RIN3: variants seen among roughly 807,000 people sequenced by gnomAD.
RIN3 encodes RAB5 interacting protein 3.
A neutral mutation model predicts 76.3 loss-of-function variants in RIN3; 54 were observed. The observed-to-expected ratio is 0.71, with a 90% CI of 0.57 to 0.89. The LOEUF (loss-of-function observed/expected upper bound fraction) is 0.89, where lower values mean the gene tolerates loss of function less well. Ranked by LOEUF, RIN3 falls within the 40% of genes least tolerant of loss-of-function variation. The probability of loss-of-function intolerance (pLI) is 0.00; values close to 1 mark genes in which losing one functional copy is unlikely to be tolerated. For synonymous variants in RIN3, 576 were observed against 564.0 expected (o/e 1.02, Z -0.30); for missense variants, 1,256 against 1,322.1 (o/e 0.95, Z 0.78).
intron 1 of RIN3, among the ~76,000 whole-genome samples, chr14:92,551,882 A>C (rs1418659339): frequency 6.6e-6 from 1 of 152,228 alleles, no homozygotes; most frequent in Non-Finnish European, 1.5e-5. Flanking sequence ...ATGCAGTCTA[A>C]CTTTATCTAT....
intron 4 of RIN3, among the ~76,000 whole-genome samples, chr14:92,632,607 G>C (rs958435755): frequency 6.6e-6 from 1 of 152,194 alleles, no homozygotes; most frequent in Non-Finnish European, 1.5e-5. Flanking sequence ...GAGCCAATTG[G>C]AACCCAAGTG....
Position 92,651,797 on chromosome 14 carries a change from G to A in RIN3, c.748G>A (p.Asp250Asn), listed in dbSNP as rs777816030. Residue 250 changes from aspartate (D) to asparagine (N), a missense_variant, in exon 6 of 10, where the codon GAC becomes AAC. Transcript: ENST00000216487. ...GGACTGCAGCAGCGCCCTGCCCACC[G>A]ACCAGCCACCTCTTGGAAATTGCCC... ...IEDCSSALPT[D>N]QPPLGNCPAR... 16 of 1,613,492 alleles carry A rather than the reference G, an allele frequency of 9.9e-6. No homozygotes were observed. Among genetic ancestry groups the A allele is most frequent in the Admixed American group, 1.7e-5 (1 of 59,980 alleles).
At chr14:92,580,678 G>T (rs1252385489) in intron 3 of RIN3, among the ~76,000 whole-genome samples, 1 of 152,268 alleles carries the variant, frequency 6.6e-6, no homozygotes, top group Non-Finnish European at 1.5e-5. Context: ...GGAAGAAGAG[G>T]CTCTGCCACC....
chr14:92,643,507 G>A lies in RIN3; in HGVS notation c.532+2178G>A, dbSNP rs1194905245. ...CTCCAACCCTCCCAGGATCTTGGAT[G>A]TGGGACAGGTGACAGTTTTGTAATT... On this transcript the variant is annotated intron_variant, in intron 5 of 9. Transcript: ENST00000216487. The surrounding 1 kb of genome is among the most constrained non-coding windows in gnomAD (Gnocchi z 4.8). Among the ~76,000 whole-genome samples, 4 of 152,368 alleles carry A rather than the reference G, an allele frequency of 2.6e-5. No homozygotes were observed. In the East Asian group the frequency reaches 5.8e-4, roughly 22 times the overall value.
In RIN3 at chr14:92,688,354, C is replaced by G. The variant is rs1442328707; in HGVS notation, c.*102C>G. Reference sequence around the variant, plus strand: ...CGTCCACGCAGCAGAGGGACATGGGCCATTCCATGACGTGCCCAGGCCAAC... The same window carrying G: ...CGTCCACGCAGCAGAGGGACATGGGGCATTCCATGACGTGCCCAGGCCAAC... On this transcript the variant is annotated 3_prime_UTR_variant, in exon 10 of 10. Transcript: ENST00000216487. 1.7e-6 allele frequency: 2 copies of G among 1,172,558 alleles called. No homozygotes were observed. The highest frequency in any genetic ancestry group is 2.9e-5 in the Admixed American group (1 of 34,930). 72.6% of individuals were successfully genotyped at this position (1,172,558 alleles called of 1,614,324 possible).
At chr14:92,556,237 G>T (rs149030377) in intron 2 of RIN3, among the ~76,000 whole-genome samples, 9 of 152,240 alleles carry the variant, frequency 5.9e-5, no homozygotes, top group African/African-American at 2.2e-4. Context: ...GGGCACCTGA[G>T]AGGCAGGACT....
chr14:92,560,746 C>T (rs1429428963), intron 2 of RIN3, among the ~76,000 whole-genome samples: 2 of 151,750 alleles, frequency 1.3e-5, no homozygotes, highest in Non-Finnish European at 2.9e-5. Context: ...GGGCCGGATG[C>T]GGTGGCTCAT....
At chr14:92,674,555 G>C (rs957044705) in intron 7 of RIN3, among the ~76,000 whole-genome samples, 16 of 152,000 alleles carry the variant, frequency 1.1e-4, no homozygotes, top group East Asian at 5.8e-4. Flanking sequence ...AGTGAGCTGA[G>C]ATTAAACCAC....
chr14:92,576,962 G>C (rs919407206), intron 2 of RIN3, among the ~76,000 whole-genome samples: 1 of 152,120 alleles, frequency 6.6e-6, no homozygotes, highest in Non-Finnish European at 1.5e-5. Flanking sequence ...GTACATTAGA[G>C]CTTTTCTGAG....
At chr14:92,552,015 G>A (rs1219793868) in intron 1 of RIN3, among the ~76,000 whole-genome samples, 1 of 152,234 alleles carries the variant, frequency 6.6e-6, no homozygotes, top group Admixed American at 6.5e-5. Flanking sequence ...CAGCATGAGC[G>A]TGGGCTCCAG....
chr14:92,524,985 C>G (rs1192187048), intron 1 of RIN3, among the ~76,000 whole-genome samples: 1 of 152,238 alleles, frequency 6.6e-6, no homozygotes, highest in African/African-American at 2.4e-5. Flanking sequence ...CTACCTCTTG[C>G]AAGAAGCCTC....
chr14:92,516,130 T>C (rs1896435185), intron 1 of RIN3, among the ~76,000 whole-genome samples: 1 of 152,184 alleles, frequency 6.6e-6, no homozygotes, highest in African/African-American at 2.4e-5. Context: ...TTTTCACATT[T>C]TTGCTATATT....
chr14:92,513,865 G>C lies in RIN3; in HGVS notation c.-68G>C. On this transcript the variant is annotated 5_prime_UTR_variant, in exon 1 of 10. Transcript: ENST00000216487. ...CAGAGCCAGGGACATGCGGGCGCCC[G>C]GGACTCCGCGTTCCGCGCGGCCCGG... 1.7e-6 allele frequency: 2 copies of C among 1,154,858 alleles called. No homozygotes were observed. The highest frequency in any genetic ancestry group is 1.1e-6 in the Non-Finnish European group (1 of 919,356). The allele number at this position is 1,154,858 out of a possible 1,614,324, so 71.5% of individuals were successfully genotyped here.
chr14:92,531,490 T>A (rs1896877713), intron 1 of RIN3, among the ~76,000 whole-genome samples: 1 of 152,254 alleles, frequency 6.6e-6, no homozygotes, highest in African/African-American at 2.4e-5. Context: ...GTAGAATTTC[T>A]AGCTGGGGGT....
chr14:92,534,399 G>T (rs1301491725), intron 1 of RIN3, among the ~76,000 whole-genome samples: 1 of 151,874 alleles, frequency 6.6e-6, no homozygotes, highest in Admixed American at 6.6e-5. Flanking sequence ...GGCCATCACG[G>T]TGAAACCCCG....
chr14:92,649,017 C>T (rs898993667), intron 5 of RIN3, among the ~76,000 whole-genome samples: 5 of 152,076 alleles, frequency 3.3e-5, no homozygotes, highest in African/African-American at 1.2e-4. Flanking sequence ...AGTGAAGACT[C>T]GGTAGATGAT....
At chr14:92,637,055 A>G (rs1408794735) in intron 4 of RIN3, among the ~76,000 whole-genome samples, 3 of 151,782 alleles carry the variant, frequency 2.0e-5, no homozygotes, top group East Asian at 1.9e-4. Context: ...GTGGAAGACA[A>G]TTTTTCCACG....
rs1353018315 is a variant in RIN3, at chr14:92,648,960, G to GGAATA, written c.533-2621_533-2620insAATAG. On this transcript the variant is annotated intron_variant, in intron 5 of 9. Transcript: ENST00000216487. The surrounding 1 kb of genome is among the most constrained non-coding windows in gnomAD (Gnocchi z 4.1). ...AGCATTAGCCAAGACCTGCTGGTGG[G>GGAATA]GCAGCGCATGGCACGTGGAGGAAGG... Among the ~76,000 whole-genome samples, 3 of 152,218 alleles carry GGAATA rather than the reference G, an allele frequency of 2.0e-5. No individual in the cohort carries two copies. In the East Asian group the frequency reaches 5.8e-4, roughly 29 times the overall value.
chr14:92,631,617 T>C (rs4900137), intron 4 of RIN3, among the ~76,000 whole-genome samples: 48 of 151,630 alleles, frequency 3.2e-4, no homozygotes, highest in South Asian at 1.7e-3. Context: ...GCGGCGGGAG[T>C]GGGGGTTGGA....
Sources: allele counts gnomAD v4.1 joint callset (sites outside exome capture counted in the v4.1 genomes callset), GRCh38; gene constraint gnomAD v4.1.1; non-coding constraint Gnocchi (gnomAD v3.1); transcripts MANE v1.5; gene names NCBI Gene and HGNC (gene_info 2026-07-23, HGNC 2026-07-21).